AGO2: variants seen among roughly 807,000 people sequenced by gnomAD.
AGO2 encodes protein argonaute-2.
A neutral mutation model predicts 102.3 loss-of-function variants in AGO2; 5 were observed. The observed-to-expected ratio is 0.05, with a 90% CI of 0.03 to 0.10. AGO2 has a LOEUF of 0.10. Ranked by LOEUF, AGO2 falls within the 10% of genes least tolerant of loss-of-function variation. AGO2 has a pLI of 1.00. For missense variants in AGO2, 541 were observed against 1,183.7 expected, an observed-to-expected ratio of 0.46 and a Z score of 7.97; for synonymous variants, 449 against 473.1, an observed-to-expected ratio of 0.95 and a Z score of 0.66.
At chr8:140,536,787 C>A (rs146959679) in intron 16 of AGO2, among the ~76,000 whole-genome samples, 4 of 152,312 alleles carry the variant, frequency 2.6e-5, no homozygotes, top group Non-Finnish European at 4.4e-5. Flanking sequence ...CAACAGAGAT[C>A]TGGGGGCTGC....
At chr8:140,629,185 C>A (rs2074311637) in intron 1 of AGO2, among the ~76,000 whole-genome samples, 1 of 152,144 alleles carries the variant, frequency 6.6e-6, no homozygotes, top group Non-Finnish European at 1.5e-5. Context: ...ACAGATCAAA[C>A]AGGAAGAGAA....
chr8:140,620,593 G>A (rs1049173721), intron 1 of AGO2, among the ~76,000 whole-genome samples: 13 of 152,260 alleles, frequency 8.5e-5, no homozygotes, highest in Middle Eastern at 3.4e-3. Context: ...GGCCGGGCAC[G>A]GTGGCTCATG....
intron 2 of AGO2, among the ~76,000 whole-genome samples, chr8:140,583,786 A>C (rs2073597838): frequency 6.6e-6 from 1 of 152,198 alleles, no homozygotes; most frequent in African/African-American, 2.4e-5. Context: ...GAGGCAGGAG[A>C]ATCACTTGAA....
At chr8:140,640,786 T>C in the AGO2 span, among the ~76,000 whole-genome samples, 29 of 152,342 alleles carry the variant, frequency 1.9e-4, no homozygotes, top group African/African-American at 6.0e-4. Context: ...CCCAAAGTGC[T>C]AGGATTACAG....
At chr8:140,556,717 A>G (rs1333055146) in intron 8 of AGO2, among the ~76,000 whole-genome samples, 1 of 152,148 alleles carries the variant, frequency 6.6e-6, no homozygotes, top group African/African-American at 2.4e-5. Context: ...GTTACAGCAC[A>G]TGGCTCAGGG....
Position 140,546,320 on chromosome 8 carries a change from C to A in AGO2, c.1748+1148G>T, listed in dbSNP as rs548474016. On this transcript the variant is annotated intron_variant, in intron 13 of 18. Coordinates refer to ENST00000220592, the MANE Select transcript of AGO2 (RefSeq NM_012154.5). Reference sequence around the variant, plus strand: ...ACTCGGTAGCTCTCAAAACCTGGTCCCCCATGTGGCAGCATCGGCACTGTG... The same window carrying A: ...ACTCGGTAGCTCTCAAAACCTGGTCACCCATGTGGCAGCATCGGCACTGTG... 1.5e-4 allele frequency among the ~76,000 whole-genome samples: 23 copies of A among 152,302 alleles called. No individual in the cohort carries two copies. In the South Asian group the frequency reaches 4.3e-3, roughly 29 times the overall value.
At position 140,549,167 on chromosome 8, in the gene AGO2, T is replaced by A; in HGVS notation, c.1535A>T (p.Tyr512Phe). ...EPMFRHLKNT[Y>F]AGLQLVVVIL... is the part of the protein sequence containing the mutation. Reference sequence around the variant, plus strand: ...GACCACCACCAGCTGCAGGCCCGCATACGTGTTCTTCAGGTGCCGGAACAT... The same window carrying A: ...GACCACCACCAGCTGCAGGCCCGCAAACGTGTTCTTCAGGTGCCGGAACAT... The change falls in exon 12 of 19, where the codon TAT (tyrosine) becomes TTT (phenylalanine). Residue 512 changes from tyrosine to phenylalanine, a missense_variant. Transcript: ENST00000220592. 6.2e-7 allele frequency: 1 copy of A among 1,613,434 alleles called. No homozygotes were observed. Among genetic ancestry groups the A allele is most frequent in the Non-Finnish European group, 8.5e-7 (1 of 1,179,810 alleles).
intron 1 of AGO2, among the ~76,000 whole-genome samples, chr8:140,587,367 T>A (rs745459582): frequency 1.3e-5 from 2 of 152,212 alleles, no homozygotes; most frequent in Non-Finnish European, 2.9e-5. Flanking sequence ...AATTACAAGT[T>A]AAAGATGTAA....
intron 16 of AGO2, among the ~76,000 whole-genome samples, chr8:140,536,614 C>T (rs559293447): frequency 1.1e-3 from 169 of 152,318 alleles, no homozygotes; most frequent in Middle Eastern, 0.01. Flanking sequence ...CATGAGCCAG[C>T]GCATCCGGCC....
At chr8:140,536,710 A>AGGATGG (rs2072704733) in intron 16 of AGO2, among the ~76,000 whole-genome samples, 1 of 152,146 alleles carries the variant, frequency 6.6e-6, no homozygotes. Flanking sequence ...TTTCCATTCT[A>AGGATGG]GGATGGAGAA....
intron 1 of AGO2, among the ~76,000 whole-genome samples, chr8:140,616,840 G>A (rs753953731): frequency 6.6e-6 from 1 of 152,202 alleles, no homozygotes; most frequent in Admixed American, 6.5e-5. Flanking sequence ...GAGCACAGGT[G>A]GATTTACAAG....
chr8:140,547,400 C>T (rs1326217812), intron 13 of AGO2, 68 bp downstream of exon 13: 2 of 1,572,870 alleles, frequency 1.3e-6, no homozygotes, highest in African/African-American at 1.3e-5. Context: ...CTGCATACTG[C>T]ACCCCACCCT....
chr8:140,575,909 G>A (rs2073456515), intron 2 of AGO2, among the ~76,000 whole-genome samples: 1 of 152,058 alleles, frequency 6.6e-6, no homozygotes, highest in Non-Finnish European at 1.5e-5. Flanking sequence ...ACTTGGGATA[G>A]ACAAAAATTT....
In AGO2 at chr8:140,563,636, G is replaced by A. The variant is rs1023253557; in HGVS notation, c.337-1002C>T. Reference sequence around the variant, plus strand: ...AGGGCAGAGACGGGATCTGGACCCCGAAGGCCTTCCCACTCCATGTGTGAT... The same window carrying A: ...AGGGCAGAGACGGGATCTGGACCCCAAAGGCCTTCCCACTCCATGTGTGAT... On this transcript the variant is annotated intron_variant, in intron 3 of 18. Transcript: ENST00000220592. 5.3e-5 allele frequency among the ~76,000 whole-genome samples: 8 copies of A among 152,326 alleles called. 1 individual carries two copies. Among genetic ancestry groups the A allele is most frequent in the Middle Eastern group, 6.8e-3 (2 of 294 alleles).
chr8:140,633,528 A>G (rs2074366561), intron 1 of AGO2, among the ~76,000 whole-genome samples: 1 of 152,232 alleles, frequency 6.6e-6, no homozygotes, highest in South Asian at 2.1e-4. Flanking sequence ...CATGAGGGCC[A>G]AGGTACGCTG....
intron 1 of AGO2, among the ~76,000 whole-genome samples, chr8:140,621,100 T>C (rs1424082468): frequency 6.6e-6 from 1 of 152,162 alleles, no homozygotes; most frequent in African/African-American, 2.4e-5. Flanking sequence ...ACGCCACATT[T>C]GCTCCATCTC....
chr8:140,581,253 G>A (rs187001525), intron 2 of AGO2, among the ~76,000 whole-genome samples: 2 of 152,302 alleles, frequency 1.3e-5, no homozygotes, highest in South Asian at 2.1e-4. Context: ...ACAGGCTCAC[G>A]CCTGTAATTC....
At chr8:140,595,246 A>G (rs951970943) in intron 1 of AGO2, among the ~76,000 whole-genome samples, 2 of 152,170 alleles carry the variant, frequency 1.3e-5, no homozygotes, top group Non-Finnish European at 2.9e-5. Flanking sequence ...ACACGGCAAG[A>G]GCTCCATGTA....
intron 13 of AGO2, among the ~76,000 whole-genome samples, chr8:140,546,879 A>C (rs1029119300): frequency 6.6e-6 from 1 of 152,266 alleles, no homozygotes; most frequent in Admixed American, 6.5e-5. Context: ...GCCCTGGAAT[A>C]CCTGGATGCT....
Sources: gnomAD v4.1 joint callset for allele counts (sites outside exome capture counted in the v4.1 genomes callset) on GRCh38, gnomAD v4.1.1 for gene constraint, MANE v1.5 for transcripts, NCBI Gene and HGNC (gene_info 2026-07-23, HGNC 2026-07-21) for gene names.